Variants in MEG3 observed in about 807,000 individuals in gnomAD.
MEG3 encodes maternally expressed 3.
intron 1 of MEG3, among the ~76,000 whole-genome samples, chr14:100,828,081 G>C (rs1427451875): frequency 6.6e-6 from 1 of 152,014 alleles, no homozygotes; most frequent in African/African-American, 2.4e-5. Flanking sequence ...TCCAGGGGGC[G>C]TAGCGACCTG....
At chr14:100,843,253 A>G (rs976747245) in intron 2 of MEG3, among the ~76,000 whole-genome samples, 5 of 152,226 alleles carry the variant, frequency 3.3e-5, no homozygotes, top group African/African-American at 9.7e-5. Flanking sequence ...GAACAAAACA[A>G]AAACAGCCAA....
chr14:100,836,433 G>T (rs2037582827), intron 2 of MEG3: 1 of 419,038 alleles, frequency 2.4e-6, no homozygotes. Context: ...CTTCACATCA[G>T]CCCCAGGGGT....
At chr14:100,860,977 G>T (rs1174706825) in exon 2 of MEG3, 1 of 306,340 alleles carries the variant, frequency 3.3e-6, no homozygotes, top group Non-Finnish European at 6.4e-6. Context: ...CACAGGGCTT[G>T]GCGCACCCCA....
At chr14:100,834,005 C>T (rs1289388877), downstream of MEG3, 1 of 152,228 alleles carries the variant, frequency 6.6e-6, no homozygotes, top group East Asian at 1.9e-4. Context: ...GTGGAAGGAT[C>T]TCCCATTGGC....
downstream of MEG3, chr14:100,832,310 C>T (rs890642114): frequency 5.3e-5 from 8 of 152,154 alleles, no homozygotes; most frequent in South Asian, 2.1e-4. Flanking sequence ...CTCCTTCCAT[C>T]GAGTTTAACC....
chr14:100,856,163 A>T (rs2038235983), upstream of MEG3: 1 of 152,202 alleles, frequency 6.6e-6, no homozygotes, highest in African/African-American at 2.4e-5. Flanking sequence ...CCTCCCGTGC[A>T]GGGGTCTGCA....
At chr14:100,834,777 C>T (rs779205350) in exon 1 of MEG3, 3 of 456,562 alleles carry the variant, frequency 6.6e-6, no homozygotes, top group African/African-American at 2.0e-5. Context: ...GACTCGACCA[C>T]CACAGCTGAG....
chr14:100,859,810 A>AGTGTCCGCTTGGGAGACGGCT (rs2038351662), exon 1 of MEG3: 1 of 152,178 alleles, frequency 6.6e-6, no homozygotes, highest in Non-Finnish European at 1.5e-5. Context: ...AATTCATGAC[A>AGTGTCCGCTTGGGAGACGGCT]GTGTCCGCTT....
chr14:100,840,554 G>T (rs1257030085), intron 2 of MEG3, among the ~76,000 whole-genome samples: 2 of 152,198 alleles, frequency 1.3e-5, no homozygotes, highest in Non-Finnish European at 2.9e-5. Context: ...AACGGAGTGT[G>T]TGTGTGTTCC....
At chr14:100,838,241 G>A (rs1180535370) in intron 2 of MEG3, among the ~76,000 whole-genome samples, 1 of 152,184 alleles carries the variant, frequency 6.6e-6, no homozygotes, top group Non-Finnish European at 1.5e-5. Context: ...GGGCACACAG[G>A]AGAGGCCCAG....
exon 1 of MEG3, chr14:100,835,060 C>A: frequency 2.9e-6 from 1 of 348,898 alleles, no homozygotes; most frequent in Non-Finnish European, 5.7e-6. Context: ...GGGGGTTGCC[C>A]AGGGGCTGGA....
exon 1 of MEG3, chr14:100,835,514 A>C: frequency 6.5e-6 from 1 of 152,796 alleles, no homozygotes; most frequent in Non-Finnish European, 1.5e-5. Flanking sequence ...CAGCTTCCTC[A>C]CCCACCCGGC....
exon 1 of MEG3, chr14:100,859,445 T>C (rs994246323): frequency 6.6e-6 from 1 of 152,190 alleles, no homozygotes; most frequent in Non-Finnish European, 1.5e-5. Flanking sequence ...ATTTTGAGAA[T>C]GTAGAATACA....
exon 1 of MEG3, chr14:100,860,246 G>A (rs2038365733): frequency 4.6e-6 from 1 of 217,172 alleles, no homozygotes; most frequent in Non-Finnish European, 9.3e-6. Flanking sequence ...GACAGGAGAG[G>A]ATCCGAGGGG....
intron 2 of MEG3, among the ~76,000 whole-genome samples, chr14:100,836,899 TTTTG>T (rs2037601605): frequency 6.6e-6 from 1 of 152,226 alleles, no homozygotes; most frequent in Non-Finnish European, 1.5e-5. Flanking sequence ...ACGGGAATGT[TTTTG>T]TTTGTTTAAA....
chr14:100,826,143 G>A (rs774599527), intron 1 of MEG3: 3 of 152,254 alleles, frequency 2.0e-5, no homozygotes, highest in East Asian at 3.9e-4. Context: ...CAGAGAGGGA[G>A]CGCGCCTTGG....
chr14:100,838,698 T>C (rs1388339625), intron 2 of MEG3, among the ~76,000 whole-genome samples: 1 of 152,088 alleles, frequency 6.6e-6, no homozygotes, highest in African/African-American at 2.4e-5. Flanking sequence ...AGTGGGACTC[T>C]TCTGGGTGGG....
At chr14:100,852,137 A>G in intron 3 of MEG3, 1 of 352,954 alleles carries the variant, frequency 2.8e-6, no homozygotes, top group Non-Finnish European at 5.7e-6. Flanking sequence ...TCATGCTCAG[A>G]GTGACTCTGT....
At chr14:100,843,452 C>T (rs1179960686) in intron 2 of MEG3, among the ~76,000 whole-genome samples, 2 of 152,152 alleles carry the variant, frequency 1.3e-5, no homozygotes, top group Non-Finnish European at 1.5e-5. Flanking sequence ...GGTGGTCTGG[C>T]AGCCTTTAGG....
Sources: gnomAD v4.1 joint callset for allele counts (sites outside exome capture counted in the v4.1 genomes callset) on GRCh38, gnomAD v4.1.1 for gene constraint, MANE v1.5 for transcripts, NCBI Gene and HGNC (gene_info 2026-07-23, HGNC 2026-07-21) for gene names.